The following USP6NL variants were observed in gnomAD, a reference collection of about 807,000 sequenced individuals.
The protein encoded by USP6NL is USP6 N-terminal like.
USP6NL carries 26 observed loss-of-function variants against 61.9 expected under a neutral mutation model. The ratio of observed to expected loss-of-function variants is 0.42; its 90% confidence interval spans 0.31 to 0.58. The LOEUF is 0.58. Ranked by LOEUF, USP6NL falls within the 20% of genes least tolerant of loss-of-function variation. The probability of loss-of-function intolerance (pLI) is 0.16; values close to 1 mark genes in which losing one functional copy is unlikely to be tolerated. For missense variants in USP6NL, 1,114 were observed against 1,034.3 expected (o/e 1.08, Z -1.06); for synonymous variants, 432 against 390.1 (o/e 1.11, Z -1.27).
chr10:11,526,617 G>A (rs1835431512), intron 3 of USP6NL, among the ~76,000 whole-genome samples: 1 of 152,154 alleles, frequency 6.6e-6, no homozygotes, highest in South Asian at 2.1e-4. Flanking sequence ...AGCATCACCT[G>A]TATGCCTCAT....
Position 11,579,969 on chromosome 10 carries a change from G to GGGT in USP6NL, c.4+17661_4+17662insACC, listed in dbSNP as rs1566195880. On this transcript the variant is annotated intron_variant, in intron 2 of 14. Coordinates refer to ENST00000609104, the MANE Select transcript of USP6NL (RefSeq NM_014688.5). The stretch of plus-strand genomic sequence containing the variant: ...AACCACCAGTGGAGAGTGGCGGGGG[G>GGGT]GGGGCAGCAACGTCTAAAGACACTT... 2.0e-5 allele frequency among the ~76,000 whole-genome samples: 3 copies of GGGT among 146,678 alleles called. No homozygotes were observed. The East Asian group carries it at 7.1e-4, about 35-fold the overall frequency.
chr10:11,543,465 C>G (rs777896966), intron 2 of USP6NL, among the ~76,000 whole-genome samples: 1 of 151,888 alleles, frequency 6.6e-6, no homozygotes, highest in Non-Finnish European at 1.5e-5. Flanking sequence ...TGGTTTGTAC[C>G]CAGGAGGCAG....
intron 5 of USP6NL, among the ~76,000 whole-genome samples, chr10:11,515,883 A>C (rs1308993277): frequency 6.6e-6 from 1 of 152,196 alleles, no homozygotes; most frequent in African/African-American, 2.4e-5. Context: ...TCTATCAGTC[A>C]TGTATCTTGA....
chr10:11,586,735 A>T (rs1210705424), intron 2 of USP6NL, among the ~76,000 whole-genome samples: 1 of 152,150 alleles, frequency 6.6e-6, no homozygotes, highest in Non-Finnish European at 1.5e-5. Context: ...AAGAAAATCG[A>T]TTAGTTTAAA....
chr10:11,554,316 T>C (rs1283133045), intron 2 of USP6NL, among the ~76,000 whole-genome samples: 3 of 152,270 alleles, frequency 2.0e-5, no homozygotes, highest in African/African-American at 7.2e-5. Context: ...AAGAAAGCAG[T>C]GAGAAATCAA....
intron 4 of USP6NL, among the ~76,000 whole-genome samples, chr10:11,521,329 AATAT>A (rs1835198681): frequency 6.8e-6 from 1 of 147,192 alleles, no homozygotes; most frequent in Non-Finnish European, 1.5e-5. Flanking sequence ...TTATATATAA[AATAT>A]ATATTATATA....
At chr10:11,534,836 T>C (rs766290739) in intron 2 of USP6NL, among the ~76,000 whole-genome samples, 1 of 152,216 alleles carries the variant, frequency 6.6e-6, no homozygotes, top group Non-Finnish European at 1.5e-5. Flanking sequence ...GCATTGGCTA[T>C]TAATGTTCAC....
At chr10:11,484,664 T>G (rs1298382343) in intron 13 of USP6NL, among the ~76,000 whole-genome samples, 1 of 152,152 alleles carries the variant, frequency 6.6e-6, no homozygotes, top group Non-Finnish European at 1.5e-5. Context: ...GGGATCCCAG[T>G]GGAAACAAAT....
At chr10:11,601,885 T>G (rs1053055644) in intron 1 of USP6NL, among the ~76,000 whole-genome samples, 1 of 152,330 alleles carries the variant, frequency 6.6e-6, no homozygotes, top group African/African-American at 2.4e-5. Context: ...AAGCTTCTGA[T>G]CTCACCTTCA....
In USP6NL at chr10:11,463,024, G is replaced by T; in HGVS notation, c.1904C>A (p.Pro635His). Reference protein sequence around the residue: ...GLAHPPSYSNPPVYHGNSPKH... With the variant: ...GLAHPPSYSNHPVYHGNSPKH... ...GGGAGAGTTTCCGTGGTAAACGGGG[G>T]GATTGCTGTAGGAGGGGGGATGAGC... The change falls in exon 15 of 15, where the codon CCC becomes CAC. Residue 635 changes from proline (P) to histidine (H), a missense_variant. By Grantham distance (77) the Pro-to-His change is moderately conservative (BLOSUM62 -2). Transcript: ENST00000609104. The surrounding 1 kb of genome is among the most constrained non-coding windows in gnomAD (Gnocchi z 6.3). The T allele has an allele frequency of 6.2e-6, 10 of 1,613,904 alleles. No individual in the cohort carries two copies. Among genetic ancestry groups the T allele is most frequent in the Non-Finnish European group, 7.6e-6 (9 of 1,179,870 alleles).
At chr10:11,504,813 T>C (rs1439092025) in intron 6 of USP6NL, among the ~76,000 whole-genome samples, 1 of 152,190 alleles carries the variant, frequency 6.6e-6, no homozygotes, top group Non-Finnish European at 1.5e-5. Flanking sequence ...CACAGTCACA[T>C]ACATGAGCTG....
intron 2 of USP6NL, among the ~76,000 whole-genome samples, chr10:11,543,326 G>A (rs1836140036): frequency 6.6e-6 from 1 of 152,200 alleles, no homozygotes; most frequent in African/African-American, 2.4e-5. Context: ...GGGATCACAA[G>A]GTCAGGAGAT....
chr10:11,606,768 A>T (rs977305869), intron 1 of USP6NL, among the ~76,000 whole-genome samples: 5 of 151,880 alleles, frequency 3.3e-5, no homozygotes, highest in Admixed American at 3.3e-4. Flanking sequence ...AACATAGAAG[A>T]GGTGAAGACA....
At chr10:11,492,775 G>T (rs1226619268) in intron 8 of USP6NL, among the ~76,000 whole-genome samples, 1 of 152,104 alleles carries the variant, frequency 6.6e-6, no homozygotes, top group Non-Finnish European at 1.5e-5. Context: ...TTTCATTTAT[G>T]CATGGGGGTC....
intron 2 of USP6NL, 100 bp from the exon 3 acceptor site, chr10:11,527,667 G>T: frequency 1.9e-6 from 2 of 1,046,010 alleles, no homozygotes; most frequent in Non-Finnish European, 2.8e-6. Context: ...AATAAATACT[G>T]CCTAAAATGA....
At chr10:11,568,365 C>T (rs984610546) in intron 2 of USP6NL, among the ~76,000 whole-genome samples, 1 of 152,124 alleles carries the variant, frequency 6.6e-6, no homozygotes, top group East Asian at 1.9e-4. Context: ...GACACAAAGA[C>T]ATTCGCTGAC....
intron 1 of USP6NL, among the ~76,000 whole-genome samples, chr10:11,602,000 A>G (rs1200979376): frequency 6.6e-6 from 1 of 152,218 alleles, no homozygotes; most frequent in Non-Finnish European, 1.5e-5. Context: ...AAAGAAAAAA[A>G]AAGAAGAAAA....
chr10:11,562,216 C>T lies in USP6NL; in HGVS notation c.5-34649G>A, dbSNP rs978290573. Among the ~76,000 whole-genome samples, 5 of 150,918 alleles carry T rather than the reference C, an allele frequency of 3.3e-5. No homozygotes were observed. In the East Asian group the frequency reaches 7.8e-4, roughly 24 times the overall value. ...GGCGGAGGTTGCAGTGAGCCGAGAT[C>T]GCACCACTGCACGCCAGCCTGGCGG... is the stretch of plus-strand genomic sequence containing the variant. On this transcript the variant is annotated intron_variant, in intron 2 of 14. Coordinates refer to ENST00000609104, the MANE Select transcript of USP6NL (RefSeq NM_014688.5). This position sits in a 1 kb window ranked among gnomAD's most constrained non-coding sequence, Gnocchi z 4.8.
chr10:11,479,402 A>G (rs1360933751), intron 14 of USP6NL, among the ~76,000 whole-genome samples: 1 of 152,170 alleles, frequency 6.6e-6, no homozygotes, highest in Non-Finnish European at 1.5e-5. Flanking sequence ...ACCAATCAGA[A>G]CAACAATGGA....
Sources: allele counts gnomAD v4.1 joint callset (sites outside exome capture counted in the v4.1 genomes callset), GRCh38; gene constraint gnomAD v4.1.1; non-coding constraint Gnocchi (gnomAD v3.1); transcripts MANE v1.5; gene names NCBI Gene and HGNC (gene_info 2026-07-23, HGNC 2026-07-21).